Variants in SLC4A8 observed in about 807,000 individuals in gnomAD.
SLC4A8 encodes the protein electroneutral sodium bicarbonate exchanger 1.
SLC4A8 carries 40 observed loss-of-function variants against 125.0 expected under a neutral mutation model. The ratio of observed to expected loss-of-function variants is 0.32; its 90% CI spans 0.25 to 0.42. The LOEUF (loss-of-function observed/expected upper bound fraction) is 0.42, where lower values mean the gene tolerates loss of function less well. Among genes scored for constraint, SLC4A8 ranks in the 10% least tolerant of loss-of-function variants. SLC4A8 has a pLI of 1.00. For synonymous variants in SLC4A8, 456 were observed against 476.0 expected, an observed-to-expected ratio of 0.96 and a Z score of 0.55; for missense variants, 863 against 1,355.1, an observed-to-expected ratio of 0.64 and a Z score of 5.70.
intron 11 of SLC4A8, among the ~76,000 whole-genome samples, chr12:51,466,776 T>G (rs951940146): frequency 2.6e-5 from 4 of 152,204 alleles, no homozygotes; most frequent in Non-Finnish European, 5.9e-5. Flanking sequence ...GAGCCTCAGA[T>G]CTTTCCCCGC....
upstream of SLC4A8, among the ~76,000 whole-genome samples, chr12:51,422,558 C>T (rs1397149073): frequency 6.6e-6 from 1 of 152,074 alleles, no homozygotes; most frequent in Non-Finnish European, 1.5e-5. Context: ...GGAATTTCTA[C>T]ATGTTGGCCC....
chr12:51,462,551 C>A, intron 10 of SLC4A8, 95 bp downstream of exon 10: 1 of 925,720 alleles, frequency 1.1e-6, no homozygotes, highest in South Asian at 2.2e-5. Context: ...CTAAATATAT[C>A]AAGATGCAGC....
chr12:51,395,124 A>C (rs1948234452), intron 1 of SLC4A8, among the ~76,000 whole-genome samples: 1 of 152,214 alleles, frequency 6.6e-6, no homozygotes, highest in Non-Finnish European at 1.5e-5. Context: ...ATATATGCAC[A>C]TGGTAATAAG....
chr12:51,428,044 C>G (rs1949058747), intron 1 of SLC4A8, among the ~76,000 whole-genome samples: 1 of 152,154 alleles, frequency 6.6e-6, no homozygotes, highest in South Asian at 2.1e-4. Context: ...TTTCTTGCAC[C>G]TCCTCTGGCT....
chr12:51,450,002 C>T (rs1949910991), intron 2 of SLC4A8, among the ~76,000 whole-genome samples: 1 of 152,004 alleles, frequency 6.6e-6, no homozygotes, highest in Non-Finnish European at 1.5e-5. Context: ...GCCCTCTAGC[C>T]TGGGTGACAG....
intron 1 of SLC4A8, among the ~76,000 whole-genome samples, chr12:51,438,270 C>G (rs1299720657): frequency 6.6e-6 from 1 of 152,132 alleles, no homozygotes; most frequent in African/African-American, 2.4e-5. Context: ...GCAAATCTCT[C>G]CCTACACTTC....
chr12:51,436,787 C>T (rs1227973644), intron 1 of SLC4A8, among the ~76,000 whole-genome samples: 5 of 152,170 alleles, frequency 3.3e-5, no homozygotes, highest in South Asian at 2.1e-4. Context: ...CCACCACACC[C>T]GGCTAATTTT....
chr12:51,471,195 T>C (rs2292217), intron 13 of SLC4A8, 92 bp from the exon 14 acceptor site: 659,161 of 1,229,164 alleles, frequency 0.54, 177,970 homozygotes, highest in African/African-American at 0.58. Flanking sequence ...TTCCAGTGCT[T>C]GTTTAGATGA....
intron 11 of SLC4A8, among the ~76,000 whole-genome samples, chr12:51,464,012 C>T (rs1456773920): frequency 6.6e-6 from 1 of 152,164 alleles, no homozygotes; most frequent in Admixed American, 6.5e-5. Flanking sequence ...CTCCTACGTA[C>T]CCTTAGTCTC....
At chr12:51,453,834 T>G in intron 5 of SLC4A8, 135 bp downstream of exon 5, 12 of 622,056 alleles carry the variant, frequency 1.9e-5, no homozygotes, top group East Asian at 3.3e-5. Context: ...CTGGCCTCAA[T>G]GTCCTTGGCT....
At chr12:51,393,934 A>G (rs1275010628) in intron 1 of SLC4A8, among the ~76,000 whole-genome samples, 1 of 152,248 alleles carries the variant, frequency 6.6e-6, no homozygotes, top group Non-Finnish European at 1.5e-5. Flanking sequence ...TGTCTTTCTC[A>G]GAATGAGGGC....
chr12:51,492,275 C>T (rs986557885), intron 19 of SLC4A8, among the ~76,000 whole-genome samples: 3 of 151,770 alleles, frequency 2.0e-5, no homozygotes, highest in Non-Finnish European at 2.9e-5. Context: ...TTTTTTTTGG[C>T]AAATCTTCAA....
intron 1 of SLC4A8, among the ~76,000 whole-genome samples, chr12:51,401,540 T>C (rs900494195): frequency 6.6e-6 from 1 of 152,154 alleles, no homozygotes; most frequent in African/African-American, 2.4e-5. Flanking sequence ...GTTGGTATGC[T>C]CTTCCACCAG....
chr12:51,479,233 G>A (rs1032942708), intron 16 of SLC4A8, among the ~76,000 whole-genome samples: 27 of 152,150 alleles, frequency 1.8e-4, no homozygotes, highest in Non-Finnish European at 3.2e-4. Flanking sequence ...TACTGAAGTT[G>A]CTGACTCCTG....
At chr12:51,457,231 A>G (rs763939095) in intron 5 of SLC4A8, 120 bp from the exon 6 acceptor site, 18 of 633,786 alleles carry the variant, frequency 2.8e-5, no homozygotes, top group Non-Finnish European at 4.7e-5. Flanking sequence ...TTGCACCTCA[A>G]TGACCCTAGT....
intron 1 of SLC4A8, among the ~76,000 whole-genome samples, chr12:51,397,928 C>T (rs1258953686): frequency 2.0e-5 from 3 of 151,960 alleles, no homozygotes; most frequent in African/African-American, 7.2e-5. Context: ...ATTAGCCAGG[C>T]ATGGTTGTGT....
At chr12:51,491,324 A>G (rs1043481005) in intron 19 of SLC4A8, among the ~76,000 whole-genome samples, 72 of 152,198 alleles carry the variant, frequency 4.7e-4, no homozygotes, top group African/African-American at 1.6e-3. Flanking sequence ...GAGACGACGT[A>G]AAAGAGAAGT....
chr12:51,504,942 G>A (rs1938101821), intron 23 of SLC4A8, among the ~76,000 whole-genome samples: 1 of 152,184 alleles, frequency 6.6e-6, no homozygotes, highest in Non-Finnish European at 1.5e-5. Context: ...GAAAAACCTA[G>A]AGGTCAAGAG....
chr12:51,497,370 A>T (rs1951490427), intron 22 of SLC4A8: 1 of 435,020 alleles, frequency 2.3e-6, no homozygotes, highest in African/African-American at 2.1e-5. Flanking sequence ...GCTCATACCT[A>T]CAATGTGAAC....
Sources: allele counts gnomAD v4.1 joint callset (sites outside exome capture counted in the v4.1 genomes callset), GRCh38; gene constraint gnomAD v4.1.1; transcripts MANE v1.5; gene names NCBI Gene and HGNC (gene_info 2026-07-23, HGNC 2026-07-21).